The following PCDHA11 variants were observed in gnomAD, a reference collection of about 807,000 sequenced individuals.
PCDHA11 encodes protocadherin alpha 11, also known as protocadherin alpha-11.
A neutral mutation model predicts 70.3 loss-of-function variants in PCDHA11; 61 were observed. That is an observed-to-expected ratio of 0.87 (90% CI 0.71 to 1.07). PCDHA11 has a LOEUF of 1.07. Among genes scored for constraint, PCDHA11 ranks in the 50% least tolerant of loss-of-function variants. The pLI is 0.00. For missense variants in PCDHA11, 1,324 were observed against 1,237.5 expected (o/e 1.07, Z -1.05); for synonymous variants, 633 against 555.1 (o/e 1.14, Z -1.97).
chr5:140,935,710 A>C (rs551291942), intron 1 of PCDHA11, among the ~76,000 whole-genome samples: 1 of 152,272 alleles, frequency 6.6e-6, no homozygotes, highest in South Asian at 2.1e-4. Context: ...TATAAAACAA[A>C]ATATATTTAG....
At chr5:140,884,049 T>C (rs1268930422) in intron 1 of PCDHA11, 2 of 1,613,296 alleles carry the variant, frequency 1.2e-6, no homozygotes, top group African/African-American at 1.3e-5. Flanking sequence ...GTGGCGAAGG[T>C]GCGCGCGGTG....
chr5:140,878,351 A>C (rs2057557275), intron 1 of PCDHA11, among the ~76,000 whole-genome samples: 1 of 152,248 alleles, frequency 6.6e-6, no homozygotes, highest in South Asian at 2.1e-4. Flanking sequence ...ACAATAATAT[A>C]AATGATATGT....
chr5:140,975,578 C>T (rs2096673039), intron 1 of PCDHA11, among the ~76,000 whole-genome samples: 2 of 152,232 alleles, frequency 1.3e-5, no homozygotes, highest in Non-Finnish European at 2.9e-5. Flanking sequence ...TATGCAGTCT[C>T]ATGTCCCAGA....
intron 1 of PCDHA11, among the ~76,000 whole-genome samples, chr5:140,898,613 T>A (rs561301118): frequency 6.6e-6 from 1 of 152,346 alleles, no homozygotes; most frequent in South Asian, 2.1e-4. Flanking sequence ...TAGTTTGAAG[T>A]CAGGTAGCAT....
intron 1 of PCDHA11, among the ~76,000 whole-genome samples, chr5:140,921,929 A>G (rs2080500807): frequency 6.6e-6 from 1 of 152,244 alleles, no homozygotes; most frequent in East Asian, 1.9e-4. Flanking sequence ...CTTATAGTCA[A>G]TATAATTTTA....
intron 3 of PCDHA11, among the ~76,000 whole-genome samples, chr5:140,987,510 C>A (rs1225122300): frequency 6.6e-6 from 1 of 152,184 alleles, no homozygotes; most frequent in Non-Finnish European, 1.5e-5. Flanking sequence ...ACCTCTGCCA[C>A]TCAGTAATTG....
intron 1 of PCDHA11, chr5:140,966,642 GA>G (rs1563353190): frequency 3.1e-5 from 35 of 1,117,790 alleles, no homozygotes; most frequent in Non-Finnish European, 4.1e-5. Context: ...GCGCTTTCTA[GA>G]GCGTGAGCGG....
At chr5:141,005,184 A>G (rs964423938) in intron 3 of PCDHA11, among the ~76,000 whole-genome samples, 27 of 152,196 alleles carry the variant, frequency 1.8e-4, no homozygotes, top group Non-Finnish European at 3.7e-4. Flanking sequence ...CACTTCTCAC[A>G]TCAGTCCTTT....
At chr5:140,997,118 C>A (rs1319289091) in intron 3 of PCDHA11, among the ~76,000 whole-genome samples, 24 of 152,088 alleles carry the variant, frequency 1.6e-4, no homozygotes, top group Non-Finnish European at 3.1e-4. Context: ...TGCTCTCCCA[C>A]ATACACAATG....
At chr5:140,996,591 T>TC (rs201351256) in intron 3 of PCDHA11, among the ~76,000 whole-genome samples, 1,577 of 152,202 alleles carry the variant, frequency 0.01, 12 homozygotes, top group Middle Eastern at 0.058. Flanking sequence ...AAGGGCCGCC[T>TC]CCCCCCATTT....
chr5:140,908,490 G>A (rs149646315), intron 1 of PCDHA11, among the ~76,000 whole-genome samples: 2 of 152,140 alleles, frequency 1.3e-5, no homozygotes, highest in Admixed American at 6.5e-5. Context: ...GGCAGTTCAG[G>A]TTGCTTGGTG....
At position 140,928,325 on chromosome 5, in the gene PCDHA11, G is replaced by A. The variant is rs1432328240; in HGVS notation, c.2392-50624G>A. 3.1e-6 allele frequency: 5 copies of A among 1,614,020 alleles called. No homozygotes were observed. The African/African-American group carries it at 6.7e-5, about 22-fold the overall frequency. ...CAGGACCCCGACCTGGGGAAGAATGGCCTTGTCTCTTATGAGCTGTTGGAT... is the reference window on the plus strand; with the variant it reads ...CAGGACCCCGACCTGGGGAAGAATGACCTTGTCTCTTATGAGCTGTTGGAT... On this transcript the variant is annotated intron_variant, in intron 1 of 3. Transcript: ENST00000398640.
At chr5:140,925,408 G>C (rs2082482597) in intron 1 of PCDHA11, among the ~76,000 whole-genome samples, 1 of 152,058 alleles carries the variant, frequency 6.6e-6, no homozygotes, top group Non-Finnish European at 1.5e-5. Flanking sequence ...TCCTTCTTAG[G>C]GAAAGGAACT....
At chr5:140,908,985 C>G (rs2074252217) in intron 1 of PCDHA11, among the ~76,000 whole-genome samples, 1 of 152,130 alleles carries the variant, frequency 6.6e-6, no homozygotes, top group African/African-American at 2.4e-5. Context: ...CCACTGGACC[C>G]CTAGAAATTT....
chr5:140,900,342 A>T (rs965236795), intron 1 of PCDHA11, among the ~76,000 whole-genome samples: 3 of 152,034 alleles, frequency 2.0e-5, no homozygotes, highest in South Asian at 2.1e-4. Context: ...CCGTGGCGCA[A>T]TCTTGGCTCA....
chr5:140,873,634 G>C (rs1040264226), intron 1 of PCDHA11, among the ~76,000 whole-genome samples: 1 of 152,158 alleles, frequency 6.6e-6, no homozygotes, highest in Non-Finnish European at 1.5e-5. Flanking sequence ...AGGTCAAAGA[G>C]TATGTGAGAA....
At chr5:140,958,998 C>T (rs868985322) in intron 1 of PCDHA11, among the ~76,000 whole-genome samples, 5 of 151,906 alleles carry the variant, frequency 3.3e-5, no homozygotes, top group South Asian at 2.1e-4. Flanking sequence ...TAATCTTTTA[C>T]TGTACCTAAT....
chr5:140,943,617 T>A (rs2093532711), intron 1 of PCDHA11, among the ~76,000 whole-genome samples: 1 of 152,208 alleles, frequency 6.6e-6, no homozygotes, highest in Non-Finnish European at 1.5e-5. Context: ...TTGATTCATC[T>A]GCATAAGGAA....
intron 1 of PCDHA11, chr5:140,968,380 C>T: frequency 6.2e-7 from 1 of 1,614,072 alleles, no homozygotes; most frequent in Non-Finnish European, 8.5e-7. Context: ...ACTCCTTTGA[C>T]TATGAGAAGT....
Sources: gnomAD v4.1 joint callset for allele counts (sites outside exome capture counted in the v4.1 genomes callset) on GRCh38, gnomAD v4.1.1 for gene constraint, MANE v1.5 for transcripts, NCBI Gene and HGNC (gene_info 2026-07-23, HGNC 2026-07-21) for gene names.